HEATR3: variants seen among roughly 807,000 people sequenced by gnomAD.
HEATR3 encodes the protein HEAT repeat-containing protein 3.
In HEATR3, 56 loss-of-function variants were observed where a neutral mutation model predicts 72.8. The observed-to-expected ratio is 0.77, with a 90% CI of 0.62 to 0.96. HEATR3 has a LOEUF of 0.96. Ranked by LOEUF, HEATR3 falls within the 40% of genes least tolerant of loss-of-function variation. The pLI, the probability that HEATR3 is intolerant of heterozygous loss-of-function variation, is 0.00. For missense variants in HEATR3, 747 were observed against 831.4 expected, an observed-to-expected ratio of 0.90 and a Z score of 1.25; for synonymous variants, 331 against 318.1, an observed-to-expected ratio of 1.04 and a Z score of -0.43.
At position 50,066,529 on chromosome 16, in the gene HEATR3, G is replaced by C; in HGVS notation, c.301G>C (p.Gly101Arg). 2.3e-6 allele frequency: 3 copies of C among 1,309,114 alleles called. No homozygotes were observed. The highest frequency in any genetic ancestry group is 2.9e-6 in the Non-Finnish European group (3 of 1,033,604). The allele number at this position is 1,309,114 out of a possible 1,614,324, so 81.1% of individuals were successfully genotyped here. A position where few individuals can be genotyped will look rare whatever the true frequency, so the allele number is the denominator to read the frequency against. The change falls in exon 2 of 15, where the codon GGC becomes CGC. Residue 101 changes from glycine to arginine, a missense_variant. By Grantham distance (125) the Gly-to-Arg change is moderately radical. Coordinates refer to ENST00000299192, the MANE Select transcript of HEATR3 (RefSeq NM_182922.4). ...CCTGGCCGTCAGGGAGACTGCAGCC[G>C]GCGCGCTGAGGTGAGCCAGGAAGGG... is the stretch of plus-strand genomic sequence containing the variant. ...PSLAVRETAA[G>R]ALRNLSACGG...
chr16:50,073,597 G>GTT (rs1170892007), intron 5 of HEATR3: 1 of 152,134 alleles, frequency 6.6e-6, no homozygotes, highest in Non-Finnish European at 1.5e-5. Flanking sequence ...AGAGTTGTGA[G>GTT]TAAATGGGGA....
intron 12 of HEATR3, among the ~76,000 whole-genome samples, chr16:50,097,696 C>CT (rs1431703714): frequency 6.6e-6 from 1 of 152,102 alleles, no homozygotes; most frequent in African/African-American, 2.4e-5. Context: ...GGGCGGATCA[C>CT]TTGAGGTCAG....
intron 5 of HEATR3, chr16:50,074,591 C>T (rs2036681494): frequency 1.3e-5 from 2 of 152,340 alleles, no homozygotes; most frequent in African/African-American, 4.8e-5. Context: ...CCTCCTGCCT[C>T]AGCCTCCCAA....
At chr16:50,101,024 A>C (rs542500147) in intron 13 of HEATR3, among the ~76,000 whole-genome samples, 150 of 152,324 alleles carry the variant, frequency 9.8e-4, no homozygotes, top group Admixed American at 2.9e-3. Flanking sequence ...ATTATTATAA[A>C]GTACCTCTTA....
chr16:50,091,157 A>G (rs2037100620), intron 11 of HEATR3, among the ~76,000 whole-genome samples: 3 of 149,656 alleles, frequency 2.0e-5, no homozygotes, highest in African/African-American at 4.9e-5. Context: ...AAAGAAATTA[A>G]TTAATTAAAA....
Position 50,068,882 on chromosome 16 carries a change from C to A in HEATR3, c.399+15C>A. The A allele has an allele frequency of 1.3e-6, 2 of 1,595,956 alleles. No homozygotes were observed. Among genetic ancestry groups the A allele is most frequent in the South Asian group, 2.2e-5 (2 of 90,212 alleles). Reference sequence around the variant, plus strand: ...TGCTAAAAGAGGTATGCAGTTTTTACAGTATCTTGATGGTAGCTTTTGGGA... The same window carrying A: ...TGCTAAAAGAGGTATGCAGTTTTTAAAGTATCTTGATGGTAGCTTTTGGGA... On this transcript the variant is annotated intron_variant, in intron 3 of 14. Transcript: ENST00000299192.
At chr16:50,073,616 A>G (rs1464507214) in intron 5 of HEATR3, 5 of 152,200 alleles carry the variant, frequency 3.3e-5, no homozygotes, top group African/African-American at 7.2e-5. Context: ...GATTTTAAAA[A>G]CGATTCAGCC....
In HEATR3 at chr16:50,106,979, A is replaced by G. The variant is rs753801983; in HGVS notation, c.*1918A>G. 1.1e-4 allele frequency among the ~76,000 whole-genome samples: 17 copies of G among 152,160 alleles called. No homozygotes were observed. Among genetic ancestry groups the G allele is most frequent in the Non-Finnish European group, 2.2e-4 (15 of 68,034 alleles). On this transcript the variant is annotated 3_prime_UTR_variant, in exon 15 of 15. Coordinates refer to ENST00000299192, the MANE Select transcript of HEATR3 (RefSeq NM_182922.4). Reference sequence around the variant, plus strand: ...CCTCGCTTTATTATGGTCCTTGCTCATGAATTTTAAGGTATATATGTATGT... The same window carrying G: ...CCTCGCTTTATTATGGTCCTTGCTCGTGAATTTTAAGGTATATATGTATGT...
chr16:50,102,501 G>A, intron 14 of HEATR3, 66 bp downstream of exon 14: 1 of 1,432,350 alleles, frequency 7.0e-7, no homozygotes, highest in Non-Finnish European at 9.6e-7. Flanking sequence ...GGTGTGTGTA[G>A]TTACCGCTGT....
At chr16:50,075,379 C>A (rs1440544622) in intron 5 of HEATR3, among the ~76,000 whole-genome samples, 192 bp from the exon 6 acceptor site, 1 of 151,030 alleles carries the variant, frequency 6.6e-6, no homozygotes, top group Non-Finnish European at 1.5e-5. Context: ...GAAACATGAT[C>A]TTTTCCAGCA....
At chr16:50,098,320 T>G (rs1166817458) in intron 12 of HEATR3, 5 of 152,084 alleles carry the variant, frequency 3.3e-5, no homozygotes, top group African/African-American at 1.2e-4. Flanking sequence ...TCACTGAAGT[T>G]GGTATACAAC....
intron 11 of HEATR3, 111 bp from the exon 12 acceptor site, chr16:50,094,594 T>C: frequency 1.7e-6 from 1 of 602,734 alleles, no homozygotes. Context: ...TTGTTTGTTT[T>C]ATTAAGAATA....
intron 5 of HEATR3, 103 bp downstream of exon 5, chr16:50,072,817 C>T (rs1323124124): frequency 1.5e-5 from 11 of 736,084 alleles, no homozygotes; most frequent in African/African-American, 1.2e-4. Flanking sequence ...TTTTTTGTTT[C>T]GTTGTATGTG....
Position 50,072,852 on chromosome 16 carries a change from T to A in HEATR3, c.622+138T>A, listed in dbSNP as rs1042966441. The A allele has an allele frequency of 6.4e-5, 41 of 636,450 alleles. No individual in the cohort carries two copies. In the African/African-American group the frequency reaches 6.9e-4, roughly 11 times the overall value. 39.4% of individuals were successfully genotyped at this position (636,450 alleles called of 1,614,324 possible). Reference sequence around the variant, plus strand: ...GAATGTGTAGCTCAGCACCTGTTTTTTCTGGGTCTTAAATCTGTGATTAAT... The same window carrying A: ...GAATGTGTAGCTCAGCACCTGTTTTATCTGGGTCTTAAATCTGTGATTAAT... On this transcript the variant is annotated intron_variant, in intron 5 of 14. Transcript: ENST00000299192.
rs1051470760 is a variant in HEATR3, at chr16:50,066,017, G to C, written c.-115G>C. The C allele has an allele frequency of 3.1e-6, 3 of 974,952 alleles. No individual in the cohort carries two copies. The Admixed American group carries it at 8.8e-5, about 29-fold the overall frequency. 60.4% of individuals were successfully genotyped at this position (974,952 alleles called of 1,614,324 possible). On this transcript the variant is annotated 5_prime_UTR_variant, in exon 1 of 15. Coordinates refer to ENST00000299192, the MANE Select transcript of HEATR3 (RefSeq NM_182922.4). ...GCACGGCTTGCCCATGTGTGCTGCAGCCGTCAGCCGGCCCAGCTGAGCAGC... is the reference window on the plus strand; with the variant it reads ...GCACGGCTTGCCCATGTGTGCTGCACCCGTCAGCCGGCCCAGCTGAGCAGC...
At position 50,086,315 on chromosome 16, in the gene HEATR3, G is replaced by A; in HGVS notation, c.1474G>A (p.Ala492Thr). Reference protein sequence around the residue: ...LGGAAALQTLAQHLSQLLFSQ... With the variant: ...LGGAAALQTLTQHLSQLLFSQ... ...AGGAGCCGCAGCCCTTCAGACGCTTGCACAGCATCTGTCACAGCTGCTTTT... is the reference window on the plus strand; with the variant it reads ...AGGAGCCGCAGCCCTTCAGACGCTTACACAGCATCTGTCACAGCTGCTTTT... Residue 492 changes from alanine to threonine, a missense_variant, in exon 11 of 15, where the codon GCA (alanine) becomes ACA (threonine). Physicochemically the swap from Ala to Thr is moderately conservative, Grantham distance 58. This residue lies in a region of HEATR3 where 586 missense variants were observed against 708.8 expected (regional missense o/e 0.83). Coordinates refer to ENST00000299192, the MANE Select transcript of HEATR3 (RefSeq NM_182922.4). 3 of 1,597,834 alleles carry A rather than the reference G, an allele frequency of 1.9e-6. No homozygotes were observed. The highest frequency in any genetic ancestry group is 2.6e-6 in the Non-Finnish European group (3 of 1,171,874).
chr16:50,100,455 T>C, intron 13 of HEATR3, 82 bp downstream of exon 13: 1 of 1,370,994 alleles, frequency 7.3e-7, no homozygotes, highest in Non-Finnish European at 1.0e-6. Flanking sequence ...TCTTAAAACT[T>C]GTGTGGACTT....
Position 50,104,957 on chromosome 16 carries a change from G to A in HEATR3, c.1939G>A (p.Gly647Ser), listed in dbSNP as rs767024838. The change falls in exon 15 of 15, where the codon GGT (glycine) becomes AGT (serine). Residue 647 changes from glycine to serine, a missense_variant. By Grantham distance (56) the Gly-to-Ser change is moderately conservative (BLOSUM62 0). Around this residue, in one of 2 missense-constraint regions of HEATR3, gnomAD observed 586 missense variants for 708.8 expected, o/e 0.83. Coordinates refer to ENST00000299192, the MANE Select transcript of HEATR3 (RefSeq NM_182922.4). ...TTTGCAGATACGTAAAGAAGGGAGA[G>A]GTAACTATAGCACAGATCAGCTGTG... Reference protein sequence around the residue: ...FKMKIRKEGRGNYSTDQLCVL... With the variant: ...FKMKIRKEGRSNYSTDQLCVL... The A allele has an allele frequency of 5.6e-6, 9 of 1,596,380 alleles. No individual in the cohort carries two copies. Among genetic ancestry groups the A allele is most frequent in the Admixed American group, 1.8e-5 (1 of 54,632 alleles).
At chr16:50,067,296 A>C (rs2036518948) in intron 2 of HEATR3, among the ~76,000 whole-genome samples, 1 of 152,012 alleles carries the variant, frequency 6.6e-6, no homozygotes. Flanking sequence ...TCGAGGCTGC[A>C]GTGAGCTATG....
Sources: allele counts gnomAD v4.1 joint callset (sites outside exome capture counted in the v4.1 genomes callset), GRCh38; gene constraint gnomAD v4.1.1; regional missense constraint gnomAD v4.1.1; transcripts MANE v1.5; gene names NCBI Gene and HGNC (gene_info 2026-07-23, HGNC 2026-07-21).